UBASH3B: variants seen among roughly 807,000 people sequenced by gnomAD.
UBASH3B encodes ubiquitin associated and SH3 domain containing B, also known as ubiquitin-associated and SH3 domain-containing protein B.
A neutral mutation model predicts 83.4 loss-of-function variants in UBASH3B; 37 were observed. That is an observed-to-expected ratio of 0.44 (90% CI 0.34 to 0.58). The LOEUF (loss-of-function observed/expected upper bound fraction) is 0.58, where lower values mean the gene tolerates loss of function less well. UBASH3B is among the 20% of genes least tolerant of loss of function. The pLI is 0.01. For missense variants in UBASH3B, 657 were observed against 827.2 expected (o/e 0.79, Z 2.52); for synonymous variants, 304 against 318.3 (o/e 0.96, Z 0.48).
At chr11:122,730,398 C>T (rs150188064) in intron 1 of UBASH3B, among the ~76,000 whole-genome samples, 186 of 152,258 alleles carry the variant, frequency 1.2e-3, no homozygotes, top group African/African-American at 4.4e-3. Context: ...CAGTGGCCAA[C>T]GTGAACTCCA....
At chr11:122,785,094 C>T (rs1485540340) in intron 5 of UBASH3B, among the ~76,000 whole-genome samples, 2 of 152,136 alleles carry the variant, frequency 1.3e-5, no homozygotes, top group Non-Finnish European at 2.9e-5. Context: ...ATCAACACTG[C>T]CCTCCAGTTA....
At chr11:122,668,815 C>T (rs1863554453) in intron 1 of UBASH3B, among the ~76,000 whole-genome samples, 2 of 152,324 alleles carry the variant, frequency 1.3e-5, no homozygotes, top group South Asian at 2.1e-4. Context: ...CTTTGAGGCT[C>T]TCAAAGTACT....
At chr11:122,732,010 C>T (rs1282032959) in intron 1 of UBASH3B, among the ~76,000 whole-genome samples, 1 of 152,126 alleles carries the variant, frequency 6.6e-6, no homozygotes, top group Non-Finnish European at 1.5e-5. Flanking sequence ...CACACACACA[C>T]ACACCATGCT....
intron 1 of UBASH3B, among the ~76,000 whole-genome samples, chr11:122,723,137 T>C (rs1860670694): frequency 6.6e-6 from 1 of 152,216 alleles, no homozygotes; most frequent in Non-Finnish European, 1.5e-5. Context: ...CTCCTGGCGA[T>C]TTTAATTCAG....
At chr11:122,731,240 C>G (rs1279119441) in intron 1 of UBASH3B, among the ~76,000 whole-genome samples, 8 of 152,200 alleles carry the variant, frequency 5.3e-5, no homozygotes, top group African/African-American at 1.9e-4. Context: ...GGTGTGGCAG[C>G]AAAACCAGCA....
At chr11:122,656,509 G>C (rs971058860) in intron 1 of UBASH3B, among the ~76,000 whole-genome samples, 2 of 152,138 alleles carry the variant, frequency 1.3e-5, no homozygotes, top group Non-Finnish European at 2.9e-5. Flanking sequence ...CCCCAGCCGG[G>C]TGGAGCTCAG....
intron 1 of UBASH3B, among the ~76,000 whole-genome samples, chr11:122,673,531 C>T (rs1346023812): frequency 2.0e-5 from 3 of 152,104 alleles, no homozygotes; most frequent in Non-Finnish European, 4.4e-5. Flanking sequence ...TGGTGGCGGG[C>T]GCCTGTAGTC....
intron 1 of UBASH3B, among the ~76,000 whole-genome samples, chr11:122,682,703 C>G (rs1220719676): frequency 6.6e-6 from 1 of 152,112 alleles, no homozygotes; most frequent in East Asian, 1.9e-4. Context: ...TGTAGCTTCC[C>G]CTCCCCTCCA....
intron 1 of UBASH3B, among the ~76,000 whole-genome samples, chr11:122,705,454 TAAAAAAA>T (rs60998227): frequency 1.7e-5 from 1 of 59,544 alleles, no homozygotes; most frequent in Non-Finnish European, 3.5e-5. Flanking sequence ...TCGAAAAACA[TAAAAAAA>T]AAAAAAAAAA....
chr11:122,685,059 C>T (rs12281782), intron 1 of UBASH3B, among the ~76,000 whole-genome samples: 10,496 of 152,192 alleles, frequency 0.069, 515 homozygotes, highest in African/African-American at 0.14. Flanking sequence ...ATTATCTTGC[C>T]CCCCGGCAAG....
At chr11:122,755,210 G>C (rs1416353256) in intron 1 of UBASH3B, among the ~76,000 whole-genome samples, 1 of 152,074 alleles carries the variant, frequency 6.6e-6, no homozygotes, top group Non-Finnish European at 1.5e-5. Context: ...AATACCCACT[G>C]TCATTCTCAC....
rs1399778618 is a variant in UBASH3B, at chr11:122,810,659, A to C, written c.*773A>C. 6.6e-6 allele frequency: 1 copy of C among 152,634 alleles called. No homozygotes were observed. The highest frequency in any genetic ancestry group is 1.5e-5 in the Non-Finnish European group (1 of 68,040). The allele number at this position is 152,634 out of a possible 1,614,324, so 9.5% of individuals were successfully genotyped here. On this transcript the variant is annotated 3_prime_UTR_variant, in exon 14 of 14. Coordinates refer to ENST00000284273, the MANE Select transcript of UBASH3B (RefSeq NM_032873.5). ...GAAGTATTCAATCATAGGAGCAAAG[A>C]ACTTGCAAAATATGAAGTGACTTGG...
chr11:122,659,653 G>A (rs1474730638), intron 1 of UBASH3B, among the ~76,000 whole-genome samples: 3 of 152,244 alleles, frequency 2.0e-5, no homozygotes, highest in Non-Finnish European at 4.4e-5. Flanking sequence ...GGAGGGCTGA[G>A]CATAATGAAA....
At chr11:122,675,233 G>C (rs1044969922) in intron 1 of UBASH3B, among the ~76,000 whole-genome samples, 5 of 152,216 alleles carry the variant, frequency 3.3e-5, no homozygotes, top group Non-Finnish European at 7.3e-5. Flanking sequence ...CTTGCACACA[G>C]AGCTCTAGCA....
chr11:122,776,797 T>C (rs754266403), intron 2 of UBASH3B, among the ~76,000 whole-genome samples: 1 of 152,122 alleles, frequency 6.6e-6, no homozygotes, highest in Non-Finnish European at 1.5e-5. Flanking sequence ...TAGGGAGTTG[T>C]AGGATGAGGA....
At chr11:122,673,286 G>C (rs1217199692) in intron 1 of UBASH3B, among the ~76,000 whole-genome samples, 1 of 152,282 alleles carries the variant, frequency 6.6e-6, no homozygotes, top group East Asian at 1.9e-4. Flanking sequence ...ATTTGAATTT[G>C]TAAGTTAGGA....
intron 1 of UBASH3B, among the ~76,000 whole-genome samples, chr11:122,664,157 G>T (rs1011464499): frequency 6.6e-6 from 1 of 152,170 alleles, no homozygotes; most frequent in African/African-American, 2.4e-5. Flanking sequence ...TGCTCTCTGT[G>T]CTTCTCTCTC....
chr11:122,800,538 A>G (rs1210009613), intron 10 of UBASH3B, among the ~76,000 whole-genome samples: 1 of 151,916 alleles, frequency 6.6e-6, no homozygotes, highest in Non-Finnish European at 1.5e-5. Flanking sequence ...TAGGTGACAG[A>G]GCAAGACTCT....
intron 1 of UBASH3B, among the ~76,000 whole-genome samples, chr11:122,725,951 CA>C (rs1190273301): frequency 1.3e-5 from 2 of 152,172 alleles, no homozygotes; most frequent in Non-Finnish European, 2.9e-5. Flanking sequence ...CTCAGCCTCC[CA>C]AAGTGCTGAG....
Sources: gnomAD v4.1 joint callset for allele counts (sites outside exome capture counted in the v4.1 genomes callset) on GRCh38, gnomAD v4.1.1 for gene constraint, MANE v1.5 for transcripts, NCBI Gene and HGNC (gene_info 2026-07-23, HGNC 2026-07-21) for gene names.